The following DNAH17 variants were observed in gnomAD, a reference collection of about 807,000 sequenced individuals.
DNAH17 encodes axonemal beta dynein heavy chain 17.
DNAH17 carries 376 observed loss-of-function variants against 485.6 expected under a neutral mutation model. That is an observed-to-expected ratio of 0.77 (90% CI 0.71 to 0.84). The LOEUF (loss-of-function observed/expected upper bound fraction) is 0.84, where lower values mean the gene tolerates loss of function less well. DNAH17 is among the 40% of genes least tolerant of loss of function. The probability of loss-of-function intolerance (pLI) is 0.00; values close to 1 mark genes in which losing one functional copy is unlikely to be tolerated. For missense variants in DNAH17, 6,370 were observed against 5,839.3 expected, an observed-to-expected ratio of 1.09 and a Z score of -2.96; for synonymous variants, 3,031 against 2,405.9, an observed-to-expected ratio of 1.26 and a Z score of -7.60.
intron 69 of DNAH17, 56 bp downstream of exon 69, chr17:78,449,358 G>A: frequency 2.0e-6 from 3 of 1,506,234 alleles, no homozygotes; most frequent in East Asian, 5.0e-5. Context: ...GCTCCCAGGG[G>A]TCAGTGACAC....
At chr17:78,532,770 G>A (rs558368317) in intron 19 of DNAH17, 34 bp from the exon 20 acceptor site, 7 of 1,550,578 alleles carry the variant, frequency 4.5e-6, no homozygotes, top group Middle Eastern at 1.8e-4. Flanking sequence ...AAAAGGGGAG[G>A]TATGTTGCCT....
chr17:78,462,731 T>G (rs180821524), intron 57 of DNAH17, 113 bp downstream of exon 57: 2 of 982,006 alleles, frequency 2.0e-6, no homozygotes, highest in African/African-American at 3.2e-5. Flanking sequence ...CATCTTACTT[T>G]AGGCAGTGCT....
In DNAH17 at chr17:78,532,365, G is replaced by A. The variant is rs1008046532; in HGVS notation, c.3114+117C>T. 5.8e-6 allele frequency: 8 copies of A among 1,381,186 alleles called. No homozygotes were observed. In the African/African-American group the frequency reaches 1.2e-4, roughly 20 times the overall value. 85.6% of individuals were successfully genotyped at this position (1,381,186 alleles called of 1,614,324 possible). The stretch of plus-strand genomic sequence containing the variant: ...GTGGTCACCTCCTGATGTTTGCCTT[G>A]CCCTACCTGGAAACCTGCATCTTAA... On this transcript the variant is annotated intron_variant, in intron 20 of 80. Coordinates refer to ENST00000389840, the MANE Select transcript of DNAH17 (RefSeq NM_173628.4).
At chr17:78,574,637 GAGC>G (rs1340642686) in intron 2 of DNAH17, 73 bp downstream of exon 2, 63 of 1,307,094 alleles carry the variant, frequency 4.8e-5, no homozygotes, top group Non-Finnish European at 5.7e-5. Flanking sequence ...ACTCCAGGCT[GAGC>G]AGCAGGACTC....
chr17:78,530,621 T>G, intron 20 of DNAH17, 109 bp from the exon 21 acceptor site: 1 of 1,328,154 alleles, frequency 7.5e-7, no homozygotes, highest in East Asian at 2.3e-5. Flanking sequence ...GCTGCTCACC[T>G]GCCGGCCACT....
intron 73 of DNAH17, among the ~76,000 whole-genome samples, chr17:78,438,648 G>A (rs1050187858): frequency 4.6e-5 from 7 of 151,172 alleles, no homozygotes; most frequent in Non-Finnish European, 7.4e-5. Context: ...ACAGGCATGT[G>A]CCAGCACACT....
intron 72 of DNAH17, among the ~76,000 whole-genome samples, chr17:78,439,728 G>C (rs1348278952): frequency 7.2e-6 from 1 of 139,312 alleles, no homozygotes; most frequent in Non-Finnish European, 1.5e-5. Flanking sequence ...GGAGTGCAGT[G>C]GTGCCATCTC....
intron 11 of DNAH17, among the ~76,000 whole-genome samples, chr17:78,564,131 A>C (rs2143674006): frequency 6.6e-6 from 1 of 152,176 alleles, no homozygotes; most frequent in East Asian, 1.9e-4. Context: ...TGCTCCTCAC[A>C]GGGTAGGGGC....
chr17:78,484,739 A>ACCCCCCAGCCGCC, intron 48 of DNAH17, 129 bp downstream of exon 48: 1 of 347,798 alleles, frequency 2.9e-6, no homozygotes, highest in Non-Finnish European at 4.6e-6. Flanking sequence ...ACGTTGCAGC[A>ACCCCCCAGCCGCC]CCCCCCCCAC....
intron 25 of DNAH17, among the ~76,000 whole-genome samples, chr17:78,523,402 G>T (rs1371354351): frequency 6.6e-6 from 1 of 152,184 alleles, no homozygotes; most frequent in Admixed American, 6.5e-5. Flanking sequence ...GGGATTACAG[G>T]CGTGAGCCAC....
Position 78,485,701 on chromosome 17 carries a change from G to A in DNAH17, c.7332C>T (p.Leu2444=), listed in dbSNP as rs369283902. The change falls in exon 47 of 81, where the codon CTC becomes CTT. Residue 2444 remains leucine, a synonymous_variant. Transcript: ENST00000389840. ...TIRIRYFMDL[L]MEKSWPVMLV... ...GCATCACCGGCCAGGACTTCTCCAT[G>A]AGCAGGTCCATGAAGTAGCGGATGC... 2 of 1,613,970 alleles carry A rather than the reference G, an allele frequency of 1.2e-6. No homozygotes were observed. The highest frequency in any genetic ancestry group is 1.3e-5 in the African/African-American group (1 of 74,982).
chr17:78,514,638 C>T (rs540580545), intron 26 of DNAH17, 136 bp downstream of exon 26: 29 of 1,249,792 alleles, frequency 2.3e-5, no homozygotes, highest in East Asian at 7.6e-5. Context: ...CACTTGTGCA[C>T]GAAGCCAGCC....
At chr17:78,487,602 G>T (rs1438232918) in intron 44 of DNAH17, among the ~76,000 whole-genome samples, 1 of 152,288 alleles carries the variant, frequency 6.6e-6, no homozygotes, top group East Asian at 1.9e-4. Context: ...TCGGCTCACT[G>T]CAACTTCTGC....
rs573453972 is a variant in DNAH17, at chr17:78,543,946, G to A, written c.2443C>T (p.Leu815=). ...GCAATTCTTCCATCCAAGTCTAACA[G>A]GGCCTCTTTCTTATTGTCCTTTCTT... ...FERKDNKKEA[L]LDLDGRIANL... is the part of the protein sequence containing the mutation. The change falls in exon 17 of 81, where the codon CTG becomes TTG. Residue 815 remains leucine, a synonymous_variant. Transcript: ENST00000389840. The A allele has an allele frequency of 3.1e-6, 5 of 1,613,922 alleles. No homozygotes were observed. The highest frequency in any genetic ancestry group is 4.5e-5 in the East Asian group (2 of 44,904).
chr17:78,565,473 T>G (rs1239375441), intron 11 of DNAH17, among the ~76,000 whole-genome samples: 1 of 152,218 alleles, frequency 6.6e-6, no homozygotes, highest in Non-Finnish European at 1.5e-5. Flanking sequence ...GAGATCTTTG[T>G]CCTTAGCAAT....
At chr17:78,460,313 G>T (rs913791674) in intron 58 of DNAH17, 56 bp from the exon 59 acceptor site, 1 of 1,198,822 alleles carries the variant, frequency 8.3e-7, no homozygotes, top group Non-Finnish European at 1.1e-6. Flanking sequence ...TGCCTGTGGG[G>T]GCGTGTACGT....
chr17:78,435,723 TCATA>T (rs1279917224), intron 74 of DNAH17, among the ~76,000 whole-genome samples: 2 of 152,210 alleles, frequency 1.3e-5, no homozygotes, highest in Admixed American at 6.5e-5. Flanking sequence ...TGCGCTGATC[TCATA>T]CAGACTGGCA....
chr17:78,482,789 T>C (rs1424920601), intron 48 of DNAH17, among the ~76,000 whole-genome samples: 1 of 152,154 alleles, frequency 6.6e-6, no homozygotes, highest in Non-Finnish European at 1.5e-5. Context: ...TAATCTGATA[T>C]TCTAGAAGGA....
At chr17:78,448,876 C>G (rs1369601690) in intron 69 of DNAH17, among the ~76,000 whole-genome samples, 2 of 152,170 alleles carry the variant, frequency 1.3e-5, no homozygotes, top group African/African-American at 4.8e-5. Context: ...CTTCCCAGAC[C>G]CCAGGACCAT....
Sources: gnomAD v4.1 joint callset for allele counts (sites outside exome capture counted in the v4.1 genomes callset) on GRCh38, gnomAD v4.1.1 for gene constraint, MANE v1.5 for transcripts, NCBI Gene and HGNC (gene_info 2026-07-23, HGNC 2026-07-21) for gene names.